ZNF528: variants seen among roughly 807,000 people sequenced by gnomAD.
The protein encoded by ZNF528 is zinc finger protein 528.
A neutral mutation model predicts 13.3 loss-of-function variants in ZNF528; 9 were observed. The observed-to-expected ratio is 0.67, with a 90% CI of 0.41 to 1.18. ZNF528 has a LOEUF of 1.18. Among genes scored for constraint, ZNF528 ranks in the 50% most tolerant of loss-of-function variants. The probability of loss-of-function intolerance (pLI) is 0.01; values close to 1 mark genes in which losing one functional copy is unlikely to be tolerated. For synonymous variants in ZNF528, 264 were observed against 254.3 expected, an observed-to-expected ratio of 1.04 and a Z score of -0.36; for missense variants, 858 against 745.4, an observed-to-expected ratio of 1.15 and a Z score of -1.76.
rs758847936 is a variant in ZNF528, at chr19:52,416,237, A to G, written c.1385A>G (p.Glu462Gly). The G allele has an allele frequency of 6.2e-6, 10 of 1,613,808 alleles. No homozygotes were observed. The highest frequency in any genetic ancestry group is 5.9e-6 in the Non-Finnish European group (7 of 1,179,916). Residue 462 changes from glutamate to glycine, a missense_variant, in exon 7 of 7, where the codon GAG (glutamate) becomes GGG (glycine). Physicochemically the swap from Glu to Gly is moderately conservative, Grantham distance 98. Coordinates refer to ENST00000360465, the MANE Select transcript of ZNF528 (RefSeq NM_032423.3). The stretch of plus-strand genomic sequence containing the variant: ...GCCCATTTTCTAATCCATAGTGGAG[A>G]GAAACCTTATGAATGTAAAGAATGT... Reference protein sequence around the residue: ...LTAHFLIHSGEKPYECKECGK... With the variant: ...LTAHFLIHSGGKPYECKECGK...
At position 52,410,207 on chromosome 19, in the gene ZNF528, A is replaced by G. The variant is rs1214227979; in HGVS notation, c.271+3564A>G. 3.3e-5 allele frequency among the ~76,000 whole-genome samples: 5 copies of G among 152,198 alleles called. No homozygotes were observed. In the East Asian group the frequency reaches 5.8e-4, roughly 18 times the overall value. On this transcript the variant is annotated intron_variant, in intron 6 of 6. Coordinates refer to ENST00000360465, the MANE Select transcript of ZNF528 (RefSeq NM_032423.3). ...GCATGGACCTTGGGGGACTAAACAA[A>G]GGGAACAAATGTGGGAATAAAAGAC...
In ZNF528 at chr19:52,398,613, G is replaced by A. The variant is rs981201734; in HGVS notation, c.-143G>A. On this transcript the variant is annotated 5_prime_UTR_variant, in exon 2 of 7. Transcript: ENST00000360465. ...GAGAGACCCATTAACAGAAGGCAAA[G>A]TAGAAGGTGAGTGAGGGGTTTGCAG... The A allele has an allele frequency of 1.0e-6, 1 of 985,532 alleles. No individual in the cohort carries two copies. The highest frequency in any genetic ancestry group is 1.2e-6 in the Non-Finnish European group (1 of 829,988). 61.0% of individuals were successfully genotyped at this position (985,532 alleles called of 1,614,324 possible). A position where few individuals can be genotyped will look rare whatever the true frequency, so the allele number is the denominator to read the frequency against.
Position 52,406,522 on chromosome 19 carries a change from T to G in ZNF528, c.150T>G (p.Cys50Trp). Reference sequence around the variant, plus strand: ...TCTTTCTTTTATAAATAGGAATCTGTCTTCCTGACCTGAGTGTTACCTCCA... The same window carrying G: ...TCTTTCTTTTATAAATAGGAATCTGGCTTCCTGACCTGAGTGTTACCTCCA... ...NYRNLVSLGI[C>W]LPDLSVTSML... is the part of the protein sequence containing the mutation. The change falls in exon 6 of 7, where the codon TGT (cysteine) becomes TGG (tryptophan). Residue 50 changes from cysteine (C) to tryptophan (W), a missense_variant. Coordinates refer to ENST00000360465, the MANE Select transcript of ZNF528 (RefSeq NM_032423.3). The G allele has an allele frequency of 6.2e-7, 1 of 1,613,102 alleles. No homozygotes were observed. The highest frequency in any genetic ancestry group is 8.5e-7 in the Non-Finnish European group (1 of 1,179,760).
In ZNF528 at chr19:52,417,552, G is replaced by A. The variant is rs1403983651; in HGVS notation, c.*813G>A. ...GATTATATGGTAGAAATAATGCAAG[G>A]AAAAAGGTAGCCACCTTCTCCATTG... On this transcript the variant is annotated 3_prime_UTR_variant, in exon 7 of 7. Transcript: ENST00000360465. The A allele has an allele frequency of 6.6e-6, 1 of 152,446 alleles. No homozygotes were observed. Among genetic ancestry groups the A allele is most frequent in the African/African-American group, 2.4e-5 (1 of 41,430 alleles). The allele number at this position is 152,446 out of a possible 1,614,324, so 9.4% of individuals were successfully genotyped here.
chr19:52,400,397 C>T (rs1000066948), intron 2 of ZNF528, among the ~76,000 whole-genome samples: 7 of 152,096 alleles, frequency 4.6e-5, no homozygotes, highest in African/African-American at 1.7e-4. Flanking sequence ...TTTAGGCGCT[C>T]TCTCACTCTT....
chr19:52,404,424 C>T (rs923479561), intron 4 of ZNF528, among the ~76,000 whole-genome samples: 1 of 151,944 alleles, frequency 6.6e-6, no homozygotes, highest in Non-Finnish European at 1.5e-5. Flanking sequence ...GATGGGGTTT[C>T]ACCATGTTGG....
chr19:52,416,047 C>G lies in ZNF528; in HGVS notation c.1195C>G (p.His399Asp), dbSNP rs749671364. ...TGGGCGCAAGTGTTTCCTGACCTCT[C>G]ATCAGAGAATTCATACTAGAGAGAG... ...VFGRKCFLTS[H>D]QRIHTRERPY... Residue 399 changes from histidine (H) to aspartate (D), a missense_variant, in exon 7 of 7, where the codon CAT (histidine) becomes GAT (aspartate). By Grantham distance (81) the His-to-Asp change is moderately conservative. Transcript: ENST00000360465. The G allele has an allele frequency of 1.4e-5, 22 of 1,614,046 alleles. 1 individual carries two copies. The Admixed American group carries it at 1.5e-4, about 11-fold the overall frequency.
At position 52,415,750 on chromosome 19, in the gene ZNF528, C is replaced by T; in HGVS notation, c.898C>T (p.His300Tyr). 4 of 1,613,128 alleles carry T rather than the reference C, an allele frequency of 2.5e-6. No homozygotes were observed. The highest frequency in any genetic ancestry group is 3.4e-6 in the Non-Finnish European group (4 of 1,179,748). Residue 300 changes from histidine (H) to tyrosine (Y), a missense_variant, in exon 7 of 7, where the codon CAT becomes TAT. His to Tyr is a moderately conservative substitution (Grantham distance 83). Transcript: ENST00000360465. Reference protein sequence around the residue: ...IHTGEKPYKCHECDKVFNQIA... With the variant: ...IHTGEKPYKCYECDKVFNQIA... ...TACTGGAGAGAAGCCTTACAAATGT[C>T]ATGAATGTGACAAGGTCTTCAATCA...
chr19:52,415,543 C>T lies in ZNF528; in HGVS notation c.691C>T (p.His231Tyr). 6.2e-7 allele frequency: 1 copy of T among 1,614,160 alleles called. No homozygotes were observed. Among genetic ancestry groups the T allele is most frequent in the East Asian group, 2.2e-5 (1 of 44,874 alleles). Residue 231 changes from histidine to tyrosine, a missense_variant, in exon 7 of 7, where the codon CAT (histidine) becomes TAT (tyrosine). Coordinates refer to ENST00000360465, the MANE Select transcript of ZNF528 (RefSeq NM_032423.3). The part of the protein sequence containing the change: ...VFSCSSKLVI[H>Y]RRMHTGEKPY... ...TAGTTGCAGTTCAAAGCTTGTGATA[C>T]ATCGAAGAATGCATACTGGAGAGAA...
chr19:52,401,981 G>A lies in ZNF528; in HGVS notation c.-33G>A. On this transcript the variant is annotated 5_prime_UTR_variant, in exon 4 of 7. Transcript: ENST00000360465. ...CCAAAGAGACATATTATGCAAGGAA[G>A]CAACTTGGAAGAGGAAAGAAAAGAA... The A allele has an allele frequency of 1.2e-6, 2 of 1,614,052 alleles. No individual in the cohort carries two copies. The highest frequency in any genetic ancestry group is 1.7e-6 in the Non-Finnish European group (2 of 1,179,998).
chr19:52,414,460 A>C, intron 6 of ZNF528: 1 of 591,934 alleles, frequency 1.7e-6, no homozygotes, highest in African/African-American at 1.9e-5. Context: ...GGTAAAGGAG[A>C]TGGTGGCAGG....
chr19:52,399,841 G>T (rs982155629), intron 2 of ZNF528, among the ~76,000 whole-genome samples: 2 of 152,168 alleles, frequency 1.3e-5, no homozygotes, highest in African/African-American at 4.8e-5. Context: ...TTCTTCGTCA[G>T]ACAGCACCTG....
rs150257846 is a variant in ZNF528, at chr19:52,416,134, C to G, written c.1282C>G (p.Arg428Gly). 5 of 1,614,008 alleles carry G rather than the reference C, an allele frequency of 3.1e-6. No individual in the cohort carries two copies. Among genetic ancestry groups the G allele is most frequent in the South Asian group, 2.2e-5 (2 of 91,076 alleles). The change falls in exon 7 of 7, where the codon CGA (arginine) becomes GGA (glycine). Residue 428 changes from arginine (R) to glycine (G), a missense_variant. Transcript: ENST00000360465. ...TCAGAAATCAGACCTTATACGACATCGAAAAACTCATACTGATGAGAAGCC... is the reference window on the plus strand; with the variant it reads ...TCAGAAATCAGACCTTATACGACATGGAAAAACTCATACTGATGAGAAGCC... ...FSQKSDLIRH[R>G]KTHTDEKPYK...
At position 52,415,304 on chromosome 19, in the gene ZNF528, T is replaced by A. The variant is rs1599842536; in HGVS notation, c.452T>A (p.Ile151Asn). 11 of 1,612,914 alleles carry A rather than the reference T, an allele frequency of 6.8e-6. No homozygotes were observed. In the African/African-American group the frequency reaches 1.1e-4, roughly 16 times the overall value. ...TCCTCAGTTTCACCGCTTGAAAAAATTTCTTCCAGTGTCAAATCCCACCTT... is the reference window on the plus strand; with the variant it reads ...TCCTCAGTTTCACCGCTTGAAAAAAATTCTTCCAGTGTCAAATCCCACCTT... Reference protein sequence around the residue: ...DNSSVSPLEKISSSVKSHLLN... With the variant: ...DNSSVSPLEKNSSSVKSHLLN... The change falls in exon 7 of 7, where the codon ATT (isoleucine) becomes AAT (asparagine). Residue 151 changes from isoleucine (I) to asparagine (N), a missense_variant. Ile to Asn is a moderately radical substitution (Grantham distance 149). Transcript: ENST00000360465.
At position 52,402,174 on chromosome 19, in the gene ZNF528, C is replaced by T. The variant is rs533075644; in HGVS notation, c.15+146C>T. On this transcript the variant is annotated intron_variant, in intron 4 of 6. Transcript: ENST00000360465. ...TGGCTTCTTCCAGTCCCTTCATTTC[C>T]GCTTGAGATTTCAGTTCACTGTGAC... 43 of 1,192,080 alleles carry T rather than the reference C, an allele frequency of 3.6e-5. No individual in the cohort carries two copies. In the African/African-American group the frequency reaches 4.0e-4, roughly 11 times the overall value. 73.8% of individuals were successfully genotyped at this position (1,192,080 alleles called of 1,614,324 possible).
rs962104944 is a variant in ZNF528, at chr19:52,417,267, T to C, written c.*528T>C. The C allele has an allele frequency of 7.1e-6, 2 of 282,710 alleles. No individual in the cohort carries two copies. The highest frequency in any genetic ancestry group is 9.0e-5 in the Admixed American group (2 of 22,294). The allele number at this position is 282,710 out of a possible 1,614,324, so 17.5% of individuals were successfully genotyped here. A position where few individuals can be genotyped will look rare whatever the true frequency, so the allele number is the denominator to read the frequency against. On this transcript the variant is annotated 3_prime_UTR_variant, in exon 7 of 7. Transcript: ENST00000360465. ...AGTAGGATGACAGGGCTGACTTCAT[T>C]AGCTGAGGATTATTTCTATCCAATT... is the stretch of plus-strand genomic sequence containing the variant.
intron 5 of ZNF528, 140 bp downstream of exon 5, chr19:52,406,173 C>T (rs2058853484): frequency 1.7e-6 from 2 of 1,151,556 alleles, no homozygotes; most frequent in East Asian, 2.5e-5. Flanking sequence ...CTGTATTACA[C>T]TTTCTGGACT....
intron 6 of ZNF528, among the ~76,000 whole-genome samples, chr19:52,409,181 C>A (rs538267677): frequency 5.5e-4 from 83 of 151,962 alleles, no homozygotes; most frequent in African/African-American, 1.9e-3. Context: ...TCTGACAAGT[C>A]TCTTTTTTGT....
chr19:52,406,392 T>G (rs2058856485), intron 5 of ZNF528, 123 bp from the exon 6 acceptor site: 1 of 1,391,322 alleles, frequency 7.2e-7, no homozygotes, highest in Non-Finnish European at 9.6e-7. Context: ...AAAGAGGCAG[T>G]CAGTAGATGA....
Sources: gnomAD v4.1 joint callset for allele counts (sites outside exome capture counted in the v4.1 genomes callset) on GRCh38, gnomAD v4.1.1 for gene constraint, MANE v1.5 for transcripts, NCBI Gene and HGNC (gene_info 2026-07-23, HGNC 2026-07-21) for gene names.